The following TTC38 variants were observed in gnomAD, a reference collection of about 807,000 sequenced individuals.
The protein encoded by TTC38 is tetratricopeptide repeat domain 38.
A neutral mutation model predicts 64.2 loss-of-function variants in TTC38; 64 were observed. That is an observed-to-expected ratio of 1.00 (90% CI 0.81 to 1.23). The LOEUF is 1.23. Ranked by LOEUF, TTC38 falls within the 50% of genes most tolerant of loss-of-function variation. The pLI, the probability that TTC38 is intolerant of heterozygous loss-of-function variation, is 0.00. For missense variants in TTC38, 573 were observed against 615.5 expected (o/e 0.93, Z 0.73); for synonymous variants, 254 against 249.3 (o/e 1.02, Z -0.18).
chr22:46,277,255 A>G lies in TTC38; in HGVS notation c.540-1331A>G, dbSNP rs115659581. ...TTAACCCCGAGAAACCACAGGAAAG[A>G]AAACTTGTTTCATGTGTGACCACCC... On this transcript the variant is annotated intron_variant, in intron 5 of 13. Transcript: ENST00000381031. Among the ~76,000 whole-genome samples, 1,227 of 152,176 alleles carry G rather than the reference A, an allele frequency of 8.1e-3. 20 individuals carry two copies. Among genetic ancestry groups the G allele is most frequent in the African/African-American group, 0.028 (1,159 of 41,516 alleles).
chr22:46,286,005 A>C (rs1285916307), intron 9 of TTC38, among the ~76,000 whole-genome samples: 1 of 108,382 alleles, frequency 9.2e-6, no homozygotes, highest in Non-Finnish European at 1.7e-5. Flanking sequence ...ACAGAGTGAG[A>C]CTCTGTCTCA....
Position 46,274,490 on chromosome 22 carries a change from G to T in TTC38, c.365+421G>T, listed in dbSNP as rs770982610. Among the ~76,000 whole-genome samples, 4 of 152,210 alleles carry T rather than the reference G, an allele frequency of 2.6e-5. No homozygotes were observed. Among genetic ancestry groups the T allele is most frequent in the Non-Finnish European group, 5.9e-5 (4 of 68,044 alleles). The stretch of plus-strand genomic sequence containing the variant: ...CTGACTTTCACATCATCCCCCCGCT[G>T]TTCCTATGCTGGTTCCCTCATTCTC... On this transcript the variant is annotated intron_variant, in intron 4 of 13. Coordinates refer to ENST00000381031, the MANE Select transcript of TTC38 (RefSeq NM_017931.4). The surrounding 1 kb of genome is among the most constrained non-coding windows in gnomAD (Gnocchi z 4.8).
At chr22:46,278,005 G>T (rs151329072) in intron 5 of TTC38, among the ~76,000 whole-genome samples, 123 of 152,352 alleles carry the variant, frequency 8.1e-4, no homozygotes, top group African/African-American at 2.3e-3. Flanking sequence ...TCCGTGCTGG[G>T]CTTGGGGATG....
rs1320029143 is a variant in TTC38, at chr22:46,272,340, A to G, written c.117A>G (p.Val39=). The G allele has an allele frequency of 1.2e-6, 2 of 1,613,178 alleles. No individual in the cohort carries two copies. The change falls in exon 3 of 14, where the codon GTA becomes GTG. Residue 39 remains valine (V), a synonymous_variant. Transcript: ENST00000381031. This position sits in a 1 kb window ranked among gnomAD's most constrained non-coding sequence, Gnocchi z 6.4. The part of the protein sequence containing the change: ...KLFDATLTQY[V]KWTNDKSLGG... Reference sequence around the variant, plus strand: ...TTTTGCTTTTCCCATTTCAGTATGTAAAATGGACCAATGACAAGAGTCTCG... The same window carrying G: ...TTTTGCTTTTCCCATTTCAGTATGTGAAATGGACCAATGACAAGAGTCTCG...
intron 11 of TTC38, 74 bp downstream of exon 11, chr22:46,288,662 G>A: frequency 6.8e-7 from 1 of 1,477,538 alleles, no homozygotes; most frequent in African/African-American, 1.4e-5. Flanking sequence ...GGGCCATGCT[G>A]AGACCTGTTC....
intron 1 of TTC38, 67 bp from the exon 2 acceptor site, chr22:46,268,447 T>C (rs1286144763): frequency 6.6e-7 from 1 of 1,504,706 alleles, no homozygotes; most frequent in Non-Finnish European, 9.2e-7. Context: ...CCAGGAGACG[T>C]GTGTGTGTTG....
At position 46,276,806 on chromosome 22, in the gene TTC38, AT is replaced by A. The variant is rs1480097089; in HGVS notation, c.539+1387del. Among the ~76,000 whole-genome samples, 66 of 140,656 alleles carry A rather than the reference AT, an allele frequency of 4.7e-4. No individual in the cohort carries two copies. Among genetic ancestry groups the A allele is most frequent in the African/African-American group, 1.8e-3 (63 of 35,994 alleles). The allele number at this position is 140,656 out of a possible 152,430, so 92.3% of individuals were successfully genotyped here. A position where few individuals can be genotyped will look rare whatever the true frequency, so the allele number is the denominator to read the frequency against. ...TTAAAATATATATTAAAAATTATAT[AT>A]TAAAATATATATATTAAATATATAT... On this transcript the variant is annotated intron_variant, in intron 5 of 13. Transcript: ENST00000381031. This position sits in a 1 kb window ranked among gnomAD's most constrained non-coding sequence, Gnocchi z 4.7.
Position 46,271,458 on chromosome 22 carries a change from C to G in TTC38, c.112-877C>G, listed in dbSNP as rs568890477. Reference sequence around the variant, plus strand: ...TCGATCTCCTGACCTCATGATCCGCCCACCTCGGCCTCCCAAAGTGCTGGG... The same window carrying G: ...TCGATCTCCTGACCTCATGATCCGCGCACCTCGGCCTCCCAAAGTGCTGGG... On this transcript the variant is annotated intron_variant, in intron 2 of 13. Coordinates refer to ENST00000381031, the MANE Select transcript of TTC38 (RefSeq NM_017931.4). The surrounding 1 kb of genome is among the most constrained non-coding windows in gnomAD (Gnocchi z 5.5). 6.6e-6 allele frequency among the ~76,000 whole-genome samples: 1 copy of G among 152,052 alleles called. No individual in the cohort carries two copies. The highest frequency in any genetic ancestry group is 1.5e-5 in the Non-Finnish European group (1 of 68,012).
At position 46,270,765 on chromosome 22, in the gene TTC38, T is replaced by G. The variant is rs550779948; in HGVS notation, c.112-1570T>G. On this transcript the variant is annotated intron_variant, in intron 2 of 13. Transcript: ENST00000381031. This position sits in a 1 kb window ranked among gnomAD's most constrained non-coding sequence, Gnocchi z 4.7. The stretch of plus-strand genomic sequence containing the variant: ...CAGAGGAATTCTTGAACCAGGGAGG[T>G]GGAGGTTGTAGTGAGCTGAGATAGT... Among the ~76,000 whole-genome samples the G allele has an allele frequency of 1.5e-4, 22 of 150,492 alleles. No homozygotes were observed. The South Asian group carries it at 1.9e-3, about 13-fold the overall frequency.
Position 46,292,749 on chromosome 22 carries a change from C to T in TTC38, c.1317-42C>T, listed in dbSNP as rs754094283. ...AGGGACCACCAGGCCCCACATCCCT[C>T]TAGAAGGTTCTGTAACAGGACCTCT... On this transcript the variant is annotated intron_variant, in intron 13 of 13. Transcript: ENST00000381031. The surrounding 1 kb of genome is among the most constrained non-coding windows in gnomAD (Gnocchi z 6.5). 1.1e-5 allele frequency: 17 copies of T among 1,572,178 alleles called. No homozygotes were observed. The highest frequency in any genetic ancestry group is 1.5e-5 in the Non-Finnish European group (17 of 1,142,764).
Position 46,278,545 on chromosome 22 carries a change from T to C in TTC38, c.540-41T>C, listed in dbSNP as rs777012883. On this transcript the variant is annotated intron_variant, in intron 5 of 13. Transcript: ENST00000381031. The stretch of plus-strand genomic sequence containing the variant: ...GGGACACAGTTCAACCTGCTACCCA[T>C]CCATCATTTTGTATTCTGAGATCTT... 6 of 1,531,952 alleles carry C rather than the reference T, an allele frequency of 3.9e-6. No individual in the cohort carries two copies. In the East Asian group the frequency reaches 1.1e-4, roughly 29 times the overall value. The allele number at this position is 1,531,952 out of a possible 1,614,324, so 94.9% of individuals were successfully genotyped here. A position where few individuals can be genotyped will look rare whatever the true frequency, so the allele number is the denominator to read the frequency against.
At position 46,275,134 on chromosome 22, in the gene TTC38, T is replaced by A. The variant is rs1429524415; in HGVS notation, c.366-114T>A. 1 of 1,091,516 alleles carries A rather than the reference T, an allele frequency of 9.2e-7. No individual in the cohort carries two copies. Among genetic ancestry groups the A allele is most frequent in the Non-Finnish European group, 1.3e-6 (1 of 765,198 alleles). 67.6% of individuals were successfully genotyped at this position (1,091,516 alleles called of 1,614,324 possible). Reference sequence around the variant, plus strand: ...CCGCACCCAGTCAGAAACTGATTTTTAAAAAAACACATCCATGTAGACCAT... The same window carrying A: ...CCGCACCCAGTCAGAAACTGATTTTAAAAAAAACACATCCATGTAGACCAT... On this transcript the variant is annotated intron_variant, in intron 4 of 13. Coordinates refer to ENST00000381031, the MANE Select transcript of TTC38 (RefSeq NM_017931.4). The surrounding 1 kb of genome is among the most constrained non-coding windows in gnomAD (Gnocchi z 4.5).
intron 1 of TTC38, 70 bp from the exon 2 acceptor site, chr22:46,268,444 A>G: frequency 6.7e-7 from 1 of 1,494,928 alleles, no homozygotes. Context: ...GGGCCAGGAG[A>G]CGTGTGTGTG....
Position 46,281,588 on chromosome 22 carries a change from AC to A in TTC38, c.616-8del. 1.2e-6 allele frequency: 2 copies of A among 1,612,168 alleles called. No homozygotes were observed. The highest frequency in any genetic ancestry group is 1.7e-6 in the Non-Finnish European group (2 of 1,179,602). Reference sequence around the variant, plus strand: ...CTTTATCTGGAATCCTCTTCCCCGCACCCTGCGTAGGCTTTATCTATTAACC... The same window carrying A: ...CTTTATCTGGAATCCTCTTCCCCGCACCTGCGTAGGCTTTATCTATTAACC... On this transcript the variant is annotated splice_polypyrimidine_tract_variant and intron_variant, in intron 6 of 13. Coordinates refer to ENST00000381031, the MANE Select transcript of TTC38 (RefSeq NM_017931.4). This position sits in a 1 kb window ranked among gnomAD's most constrained non-coding sequence, Gnocchi z 5.2.
rs755056985 is a variant in TTC38 at position 46,271,455 on chromosome 22, C to T, written c.112-880C>T. ...GTCTCGATCTCCTGACCTCATGATCCGCCCACCTCGGCCTCCCAAAGTGCT... is the reference window on the plus strand; with the variant it reads ...GTCTCGATCTCCTGACCTCATGATCTGCCCACCTCGGCCTCCCAAAGTGCT... On this transcript the variant is annotated intron_variant, in intron 2 of 13. Coordinates refer to ENST00000381031, the MANE Select transcript of TTC38 (RefSeq NM_017931.4). This position sits in a 1 kb window ranked among gnomAD's most constrained non-coding sequence, Gnocchi z 5.5. 2.0e-5 allele frequency among the ~76,000 whole-genome samples: 3 copies of T among 151,948 alleles called. No individual in the cohort carries two copies. Among genetic ancestry groups the T allele is most frequent in the African/African-American group, 4.8e-5 (2 of 41,354 alleles).
chr22:46,278,704 G>T (rs1239258928), intron 6 of TTC38, 43 bp downstream of exon 6: 1 of 1,527,400 alleles, frequency 6.5e-7, no homozygotes, highest in South Asian at 1.1e-5. Flanking sequence ...TCAGGGAGTA[G>T]CCGTTGGCTG....
rs979557722 is a variant in TTC38 at position 46,292,944 on chromosome 22, G to C, written c.*60G>C. On this transcript the variant is annotated 3_prime_UTR_variant, in exon 14 of 14. Transcript: ENST00000381031. This position sits in a 1 kb window ranked among gnomAD's most constrained non-coding sequence, Gnocchi z 6.5. ...GTGGTGGCGTCACTGCGTCCAGTCA[G>C]CTGCTCCACCGGGTTAGGGTCAGGA... 3.5e-5 allele frequency: 47 copies of C among 1,359,398 alleles called. No individual in the cohort carries two copies. In the African/African-American group the frequency reaches 6.4e-4, roughly 19 times the overall value. 84.2% of individuals were successfully genotyped at this position (1,359,398 alleles called of 1,614,324 possible).
intron 5 of TTC38, among the ~76,000 whole-genome samples, chr22:46,277,306 A>G (rs1601872122): frequency 6.6e-6 from 1 of 152,142 alleles, no homozygotes; most frequent in Admixed American, 6.5e-5. Context: ...GCAGTTGCAG[A>G]TGAGATTGGA....
At position 46,276,257 on chromosome 22, in the gene TTC38, G is replaced by C. The variant is rs901047800; in HGVS notation, c.539+836G>C. Among the ~76,000 whole-genome samples the C allele has an allele frequency of 2.0e-5, 3 of 152,210 alleles. No individual in the cohort carries two copies. Among genetic ancestry groups the C allele is most frequent in the Non-Finnish European group, 2.9e-5 (2 of 68,040 alleles). ...GAAATCGCTGCAGGAGTCAGCATTA[G>C]TCTTACATCTGGAGGCAGTCTGCAG... On this transcript the variant is annotated intron_variant, in intron 5 of 13. Transcript: ENST00000381031. This position sits in a 1 kb window ranked among gnomAD's most constrained non-coding sequence, Gnocchi z 4.7.
Sources: gnomAD v4.1 joint callset for allele counts (sites outside exome capture counted in the v4.1 genomes callset) on GRCh38, gnomAD v4.1.1 for gene constraint, Gnocchi (gnomAD v3.1) non-coding constraint, MANE v1.5 for transcripts, NCBI Gene and HGNC (gene_info 2026-07-23, HGNC 2026-07-21) for gene names.